Variants in PROM1 observed in about 807,000 individuals in gnomAD.
PROM1 encodes the protein prominin-1.
In PROM1, 105 loss-of-function variants were observed where a neutral mutation model predicts 116.9. That is an observed-to-expected ratio of 0.90 (90% CI 0.77 to 1.06). PROM1 has a LOEUF of 1.06. PROM1 is among the 50% of genes least tolerant of loss of function. The probability of loss-of-function intolerance (pLI) is 0.00; values close to 1 mark genes in which losing one functional copy is unlikely to be tolerated. For missense variants in PROM1, 1,122 were observed against 1,045.2 expected, an observed-to-expected ratio of 1.07 and a Z score of -1.01; for synonymous variants, 393 against 387.0, an observed-to-expected ratio of 1.02 and a Z score of -0.18.
chr4:16,025,724 C>T (rs1209750015), intron 5 of PROM1, among the ~76,000 whole-genome samples: 4 of 146,796 alleles, frequency 2.7e-5, no homozygotes, highest in Non-Finnish European at 4.6e-5. Flanking sequence ...CACACGCACA[C>T]ACACACACAC....
At chr4:16,082,419 A>C (rs1233064504) in intron 1 of PROM1, 1 of 152,132 alleles carries the variant, frequency 6.6e-6, no homozygotes, top group Non-Finnish European at 1.5e-5. Context: ...CGCCCTCAGG[A>C]ACTCCAGCAA....
At position 15,984,179 on chromosome 4, in the gene PROM1, A is replaced by C. The variant is rs2302167; in HGVS notation, c.2373+84T>G. The C allele has an allele frequency of 0.047, 52,680 of 1,127,998 alleles. 2,628 individuals are homozygous for C. The highest frequency in any genetic ancestry group is 0.25 in the East Asian group (9,502 of 38,702). The allele number at this position is 1,127,998 out of a possible 1,614,324, so 69.9% of individuals were successfully genotyped here. A position where few individuals can be genotyped will look rare whatever the true frequency, so the allele number is the denominator to read the frequency against. ...TTTGGATTCTCTCAAGCAGAAAACA[A>C]ATATTATAATGTATATCATAATCCA... On this transcript the variant is annotated intron_variant, in intron 23 of 27. Coordinates refer to ENST00000447510, the MANE Select transcript of PROM1 (RefSeq NM_006017.3).
intron 2 of PROM1, among the ~76,000 whole-genome samples, chr4:16,074,757 A>T (rs753303882): frequency 3.9e-4 from 60 of 152,230 alleles, no homozygotes; most frequent in Non-Finnish European, 6.0e-4. Context: ...ACATGTGATG[A>T]TATTCACTAA....
intron 1 of PROM1, chr4:16,082,495 T>G (rs1043848125): frequency 7.9e-5 from 12 of 152,204 alleles, no homozygotes; most frequent in African/African-American, 2.9e-4. Flanking sequence ...GAATGAAGCC[T>G]GGGGCGCCGG....
intron 13 of PROM1, among the ~76,000 whole-genome samples, chr4:16,006,236 G>T (rs1725432265): frequency 6.6e-6 from 1 of 152,252 alleles, no homozygotes; most frequent in African/African-American, 2.4e-5. Context: ...AAGAAAGCAA[G>T]TCTAGCTGCT....
In PROM1 at chr4:15,989,734, G is replaced by A; in HGVS notation, c.2074C>T (p.Leu692=). Residue 692 remains leucine (L), a splice_region_variant and synonymous_variant, in exon 19 of 28, where the codon CTG becomes TTG. Coordinates refer to ENST00000447510, the MANE Select transcript of PROM1 (RefSeq NM_006017.3). ...QQRVLPIEQS[L]STLYQSVKIL... ...TACAATACGTCGTTGACTGTTACCAGTGATTGTTCTATAGGAAGGACTCGT... is the reference window on the plus strand; with the variant it reads ...TACAATACGTCGTTGACTGTTACCAATGATTGTTCTATAGGAAGGACTCGT... 6.3e-7 allele frequency: 1 copy of A among 1,597,004 alleles called. No homozygotes were observed. Among genetic ancestry groups the A allele is most frequent in the Non-Finnish European group, 8.6e-7 (1 of 1,168,276 alleles).
intron 4 of PROM1, 81 bp downstream of exon 4, chr4:16,035,653 TA>T: frequency 7.4e-7 from 1 of 1,345,226 alleles, no homozygotes; most frequent in South Asian, 1.2e-5. Context: ...ACGGATCATT[TA>T]AAAATCTTCA....
At chr4:16,071,433 T>C (rs1484038461) in intron 2 of PROM1, among the ~76,000 whole-genome samples, 5 of 152,212 alleles carry the variant, frequency 3.3e-5, no homozygotes, top group African/African-American at 1.2e-4. Context: ...TGTCACGTCC[T>C]GAATATCTGT....
chr4:16,063,601 A>AAAT, intron 2 of PROM1, among the ~76,000 whole-genome samples: 1 of 152,286 alleles, frequency 6.6e-6, no homozygotes, highest in Non-Finnish European at 1.5e-5. Flanking sequence ...ATCTCAAACA[A>AAAT]AATAATAATA....
chr4:16,011,429 A>C (rs1404417447), intron 11 of PROM1, among the ~76,000 whole-genome samples: 1 of 152,192 alleles, frequency 6.6e-6, no homozygotes, highest in Admixed American at 6.5e-5. Flanking sequence ...TAAACACGAG[A>C]GCAAAGGACA....
At chr4:15,998,335 C>A in intron 15 of PROM1, 50 bp downstream of exon 15, 2 of 1,479,120 alleles carry the variant, frequency 1.4e-6, no homozygotes, top group Non-Finnish European at 1.8e-6. Flanking sequence ...ATTCTCATTC[C>A]AGAAAAAGAA....
chr4:16,060,727 T>C (rs1050693578), intron 2 of PROM1, among the ~76,000 whole-genome samples: 2 of 152,186 alleles, frequency 1.3e-5, no homozygotes, highest in Non-Finnish European at 1.5e-5. Context: ...CTCTGGAGAG[T>C]GAAGTAGGGT....
At chr4:16,045,349 A>G (rs1297908586) in intron 2 of PROM1, among the ~76,000 whole-genome samples, 1 of 152,182 alleles carries the variant, frequency 6.6e-6, no homozygotes, top group East Asian at 1.9e-4. Context: ...CAGAGGATCC[A>G]GTGGAGAATT....
rs201870277 is a variant in PROM1, at chr4:16,000,498, G to A, written c.1576C>T (p.Arg526Trp). Reference sequence around the variant, plus strand: ...AATGGGTAGAAAATCATATTTACCCGGAATAATTCCTTGCTCGTGTAAGGT... The same window carrying A: ...AATGGGTAGAAAATCATATTTACCCAGAATAATTCCTTGCTCGTGTAAGGT... Reference protein sequence around the residue: ...CEPYTSKELFRVLDTPYLLNE... With the variant: ...CEPYTSKELFWVLDTPYLLNE... The change falls in exon 14 of 28, where the codon CGG (arginine) becomes TGG (tryptophan). Residue 526 changes from arginine to tryptophan, a missense_variant and splice_region_variant. Coordinates refer to ENST00000447510, the MANE Select transcript of PROM1 (RefSeq NM_006017.3). The A allele has an allele frequency of 3.7e-5, 58 of 1,582,024 alleles. No individual in the cohort carries two copies. The highest frequency in any genetic ancestry group is 3.3e-4 in the Middle Eastern group (2 of 5,986).
At position 16,000,538 on chromosome 4, in the gene PROM1, T is replaced by C. The variant is rs1723513091; in HGVS notation, c.1536A>G (p.Glu512=). The C allele has an allele frequency of 6.3e-7, 1 of 1,595,710 alleles. No individual in the cohort carries two copies. The highest frequency in any genetic ancestry group is 8.6e-7 in the Non-Finnish European group (1 of 1,163,698). ...VLTFVFGANV[E]KLICEPYTSK... ...TCGTGTAAGGTTCACAGATCAGTTTTTCCACATTTGCACCAAAGACAAAGG... is the reference window on the plus strand; with the variant it reads ...TCGTGTAAGGTTCACAGATCAGTTTCTCCACATTTGCACCAAAGACAAAGG... Residue 512 remains glutamate, a synonymous_variant, in exon 14 of 28, where the codon GAA becomes GAG. Transcript: ENST00000447510.
At chr4:16,070,463 G>A (rs1265582412) in intron 2 of PROM1, among the ~76,000 whole-genome samples, 1 of 152,152 alleles carries the variant, frequency 6.6e-6, no homozygotes, top group Admixed American at 6.5e-5. Flanking sequence ...GGATCTCTCT[G>A]CTTCCTTAAA....
intron 26 of PROM1, among the ~76,000 whole-genome samples, chr4:15,972,741 C>G (rs1463097892): frequency 6.6e-6 from 1 of 152,090 alleles, no homozygotes; most frequent in Non-Finnish European, 1.5e-5. Flanking sequence ...TTCCTGGGTG[C>G]CCAACACAAT....
At chr4:16,024,411 A>C (rs1221188850) in intron 6 of PROM1, 53 bp from the exon 7 acceptor site, 1 of 1,448,204 alleles carries the variant, frequency 6.9e-7, no homozygotes, top group Non-Finnish European at 9.5e-7. Context: ...AAAGGCAATA[A>C]GAGGGCAAAA....
At chr4:16,001,717 G>A (rs561913048) in intron 13 of PROM1, among the ~76,000 whole-genome samples, 9 of 152,282 alleles carry the variant, frequency 5.9e-5, no homozygotes, top group African/African-American at 2.2e-4. Context: ...GAGTGGACCG[G>A]AGAGTCAGCA....
Sources: gnomAD v4.1 joint callset for allele counts (sites outside exome capture counted in the v4.1 genomes callset) on GRCh38, gnomAD v4.1.1 for gene constraint, MANE v1.5 for transcripts, NCBI Gene and HGNC (gene_info 2026-07-23, HGNC 2026-07-21) for gene names.